Variants in HFM1 observed in about 807,000 individuals in gnomAD.
The protein encoded by HFM1 is helicase for meiosis 1.
A neutral mutation model predicts 192.1 loss-of-function variants in HFM1; 169 were observed. The ratio of observed to expected loss-of-function variants is 0.88; its 90% confidence interval spans 0.78 to 1.00. HFM1 has a LOEUF of 1.00. Among genes scored for constraint, HFM1 ranks in the 50% least tolerant of loss-of-function variants. The probability of loss-of-function intolerance (pLI) is 0.00; values close to 1 mark genes in which losing one functional copy is unlikely to be tolerated. For missense variants in HFM1, 1,661 were observed against 1,668.0 expected, an observed-to-expected ratio of 1.00 and a Z score of 0.07; for synonymous variants, 525 against 537.8, an observed-to-expected ratio of 0.98 and a Z score of 0.33.
intron 33 of HFM1, among the ~76,000 whole-genome samples, chr1:91,274,250 A>C (rs1329519399): frequency 6.6e-6 from 1 of 151,930 alleles, no homozygotes; most frequent in Non-Finnish European, 1.5e-5. Context: ...CAGTTTTTCC[A>C]TCTATACAAT....
In HFM1 at chr1:91,349,878, G is replaced by A. The variant is rs529295760; in HGVS notation, c.2206+860C>T. Among the ~76,000 whole-genome samples, 6 of 152,254 alleles carry A rather than the reference G, an allele frequency of 3.9e-5. No homozygotes were observed. The East Asian group carries it at 1.2e-3, about 29-fold the overall frequency. On this transcript the variant is annotated intron_variant, in intron 18 of 38. Transcript: ENST00000370425. ...ATGCCACGATTTGTGTTTAAAAGGTGCGAAACTAAAATTACATTTTCTTAT... is the reference window on the plus strand; with the variant it reads ...ATGCCACGATTTGTGTTTAAAAGGTACGAAACTAAAATTACATTTTCTTAT...
chr1:91,364,628 A>ATTTTTTT (rs1407868515), intron 13 of HFM1, among the ~76,000 whole-genome samples: 2 of 59,300 alleles, frequency 3.4e-5, no homozygotes, highest in African/African-American at 1.2e-4. Context: ...ATATATATAT[A>ATTTTTTT]TATATTTTTT....
At chr1:91,274,067 A>G (rs914277514) in intron 33 of HFM1, among the ~76,000 whole-genome samples, 1 of 152,072 alleles carries the variant, frequency 6.6e-6, no homozygotes, top group Admixed American at 6.6e-5. Context: ...CTGATGAGTC[A>G]GTTCCTGTTC....
chr1:91,269,358 T>C (rs933786765), intron 34 of HFM1, among the ~76,000 whole-genome samples: 10 of 152,308 alleles, frequency 6.6e-5, no homozygotes, highest in South Asian at 2.1e-4. Flanking sequence ...CATAATTTAA[T>C]TGAAAGTTTA....
At chr1:91,367,257 T>C (rs576105030) in intron 13 of HFM1, among the ~76,000 whole-genome samples, 1 of 152,090 alleles carries the variant, frequency 6.6e-6, no homozygotes, top group African/African-American at 2.4e-5. Context: ...TGGAAGACAG[T>C]AGTGGTTCTC....
Position 91,277,024 on chromosome 1 carries a change from T to G in HFM1, c.3430A>C (p.Asn1144His), listed in dbSNP as rs755418126. 1.9e-6 allele frequency: 3 copies of G among 1,599,834 alleles called. No homozygotes were observed. The highest frequency in any genetic ancestry group is 1.7e-5 in the Admixed American group (1 of 58,198). The change falls in exon 31 of 39, where the codon AAT (asparagine) becomes CAT (histidine). Residue 1144 changes from asparagine (N) to histidine (H), a missense_variant. By Grantham distance (68) the Asn-to-His change is moderately conservative. Transcript: ENST00000370425. ...GTATGTTTACTTTTACAAAGATGATTGCATTCTCGGTTCCCAGGTTTTTTG... is the reference window on the plus strand; with the variant it reads ...GTATGTTTACTTTTACAAAGATGATGGCATTCTCGGTTCCCAGGTTTTTTG... ...ASKKPGNREC[N>H]HLCKSKHTCG... is the part of the protein sequence containing the mutation.
intron 30 of HFM1, among the ~76,000 whole-genome samples, chr1:91,300,379 T>C (rs1467400062): frequency 6.6e-6 from 1 of 152,224 alleles, no homozygotes; most frequent in African/African-American, 2.4e-5. Flanking sequence ...GTACCATTCC[T>C]TCTGAAACTA....
rs538357085 is a variant in HFM1 at position 91,307,196 on chromosome 1, C to T, written c.3391+6153G>A. On this transcript the variant is annotated intron_variant, in intron 30 of 38. Coordinates refer to ENST00000370425, the MANE Select transcript of HFM1 (RefSeq NM_001017975.6). ...TTGTATATTTACATCCTATGTATCG[C>T]TGATTTCTGTTTTTCTCTTGTTACA... Among the ~76,000 whole-genome samples, 124 of 152,094 alleles carry T rather than the reference C, an allele frequency of 8.2e-4. 1 individual carries two copies. Among genetic ancestry groups the T allele is most frequent in the Non-Finnish European group, 1.4e-3 (98 of 68,002 alleles).
At chr1:91,308,754 C>T (rs897667869) in intron 30 of HFM1, among the ~76,000 whole-genome samples, 2 of 152,002 alleles carry the variant, frequency 1.3e-5, no homozygotes, top group Admixed American at 6.6e-5. Context: ...TCTTTGTGGG[C>T]CTCACAATTT....
intron 1 of HFM1, among the ~76,000 whole-genome samples, chr1:91,404,103 G>T (rs1424716241): frequency 6.6e-6 from 1 of 152,178 alleles, no homozygotes; most frequent in Non-Finnish European, 1.5e-5. Flanking sequence ...ATCTGACAAA[G>T]AAGGAAAAAT....
intron 2 of HFM1, among the ~76,000 whole-genome samples, chr1:91,397,444 C>T (rs1663799023): frequency 6.6e-6 from 1 of 152,102 alleles, no homozygotes; most frequent in Non-Finnish European, 1.5e-5. Flanking sequence ...TTGAGAAGAG[C>T]ATCATATATT....
intron 13 of HFM1, among the ~76,000 whole-genome samples, chr1:91,370,322 A>G (rs934819859): frequency 2.0e-5 from 3 of 152,200 alleles, no homozygotes; most frequent in Non-Finnish European, 4.4e-5. Context: ...CCTGATGAAC[A>G]TCGATGCAAA....
Position 91,262,303 on chromosome 1 carries a change from T to C in HFM1, c.4176A>G (p.Ser1392=), listed in dbSNP as rs372406769. 6.6e-7 allele frequency: 1 copy of C among 1,503,816 alleles called. No homozygotes were observed. Among genetic ancestry groups the C allele is most frequent in the Non-Finnish European group, 9.1e-7 (1 of 1,102,822 alleles). 93.2% of individuals were successfully genotyped at this position (1,503,816 alleles called of 1,614,324 possible). Residue 1392 remains serine (S), a synonymous_variant, in exon 38 of 39, where the codon TCA becomes TCG. Coordinates refer to ENST00000370425, the MANE Select transcript of HFM1 (RefSeq NM_001017975.6). The part of the protein sequence containing the change: ...FTFSEKNPNS[S]NYKKVDFFIR... ...TAAAAAAATCCACTTTTTTATAATT[T>C]GAAGAATTTGGGTTTTTTTCAGAGA...
At chr1:91,277,919 A>ATATATGCTTAT (rs1667093235) in intron 30 of HFM1, among the ~76,000 whole-genome samples, 3 of 40,082 alleles carry the variant, frequency 7.5e-5, no homozygotes, top group South Asian at 1.1e-3. Context: ...TATATACACT[A>ATATATGCTTAT]ATATATAATA....
At position 91,378,588 on chromosome 1, in the gene HFM1, T is replaced by G. The variant is rs563626461; in HGVS notation, c.1159-108A>C. On this transcript the variant is annotated intron_variant, in intron 9 of 38. Coordinates refer to ENST00000370425, the MANE Select transcript of HFM1 (RefSeq NM_001017975.6). The stretch of plus-strand genomic sequence containing the variant: ...ATGACGTATTACAAATAATAGGCAA[T>G]TTTGGTTGATCCCTTAAGAGTATTC... 4.2e-5 allele frequency: 26 copies of G among 625,028 alleles called. No homozygotes were observed. The African/African-American group carries it at 4.7e-4, about 11-fold the overall frequency. The allele number at this position is 625,028 out of a possible 1,614,324, so 38.7% of individuals were successfully genotyped here. A position where few individuals can be genotyped will look rare whatever the true frequency, so the allele number is the denominator to read the frequency against.
chr1:91,262,360 C>T lies in HFM1; in HGVS notation c.4119G>A (p.Leu1373=), dbSNP rs769090046. The change falls in exon 38 of 39, where the codon CTG becomes CTA. Residue 1373 remains leucine, a synonymous_variant. Coordinates refer to ENST00000370425, the MANE Select transcript of HFM1 (RefSeq NM_001017975.6). ...VHFQERKPQN[L]SPEIEKQCFT... ...AGCATTGCTTCTCAATCTCTGGTGA[C>T]AGATTTTGTGGTTTTCTTTCTTGAA... 3 of 1,577,164 alleles carry T rather than the reference C, an allele frequency of 1.9e-6. No individual in the cohort carries two copies. The highest frequency in any genetic ancestry group is 2.7e-5 in the African/African-American group (2 of 73,302).
chr1:91,370,025 C>T (rs282046), intron 13 of HFM1, among the ~76,000 whole-genome samples: 152,035 of 152,222 alleles, frequency 1, 75,924 homozygotes, highest in East Asian at 1. Flanking sequence ...CATACACCCT[C>T]CCAAGACTAA....
chr1:91,282,499 TA>T (rs1667548864), intron 30 of HFM1, among the ~76,000 whole-genome samples: 1 of 152,232 alleles, frequency 6.6e-6, no homozygotes, highest in African/African-American at 2.4e-5. Context: ...TACATTTTCC[TA>T]AAATGTCTCA....
chr1:91,368,933 GGCAGGGGTT>G (rs917036001), intron 13 of HFM1, among the ~76,000 whole-genome samples: 30 of 152,020 alleles, frequency 2.0e-4, no homozygotes, highest in African/African-American at 7.2e-4. Flanking sequence ...AACAAAAAAA[GGCAGGGGTT>G]GCAATCCTAG....
Sources: gnomAD v4.1 joint callset for allele counts (sites outside exome capture counted in the v4.1 genomes callset) on GRCh38, gnomAD v4.1.1 for gene constraint, MANE v1.5 for transcripts, NCBI Gene and HGNC (gene_info 2026-07-23, HGNC 2026-07-21) for gene names.